KAT14: variants seen among roughly 807,000 people sequenced by gnomAD.
KAT14 encodes the protein cysteine-rich protein 2-binding protein.
A neutral mutation model predicts 78.4 loss-of-function variants in KAT14; 66 were observed. The ratio of observed to expected loss-of-function variants is 0.84; its 90% CI spans 0.69 to 1.03. The LOEUF (loss-of-function observed/expected upper bound fraction) is 1.03. Among genes scored for constraint, KAT14 ranks in the 50% least tolerant of loss-of-function variants. KAT14 has a pLI of 0.00. For synonymous variants in KAT14, 344 were observed against 359.4 expected, an observed-to-expected ratio of 0.96 and a Z score of 0.48; for missense variants, 870 against 972.5, an observed-to-expected ratio of 0.89 and a Z score of 1.40.
At chr20:18,179,530 G>T (rs932413547) in intron 7 of KAT14, among the ~76,000 whole-genome samples, 1 of 152,192 alleles carries the variant, frequency 6.6e-6, no homozygotes, top group Non-Finnish European at 1.5e-5. Flanking sequence ...TTTGGGGCTT[G>T]CACCCTGTGA....
At chr20:18,151,814 G>C (rs1205223) in intron 4 of KAT14, among the ~76,000 whole-genome samples, 1 of 151,338 alleles carries the variant, frequency 6.6e-6, no homozygotes, top group Non-Finnish European at 1.5e-5. Flanking sequence ...GACCAGCCTC[G>C]CCAACATGGT....
intron 10 of KAT14, among the ~76,000 whole-genome samples, chr20:18,185,548 A>AC (rs2039424630): frequency 6.6e-6 from 1 of 152,212 alleles, no homozygotes; most frequent in African/African-American, 2.4e-5. Context: ...ATCACTGTAT[A>AC]AGGCTGATAT....
rs377454074 is a variant in KAT14, at chr20:18,162,513, G to C, written c.1236G>C (p.Glu412Asp). ...KVRGPEQIKQ[E>D]VESEEEKPDR... ...GAGGCCCTGAACAGATAAAGCAGGA[G>C]GTAGAGAGTGAGGAGGAAAAACCCG... The change falls in exon 7 of 11, where the codon GAG (glutamate) becomes GAC (aspartate). Residue 412 changes from glutamate to aspartate, a missense_variant. Glu to Asp is a conservative substitution (Grantham distance 45). Transcript: ENST00000688188. 6.8e-6 allele frequency: 11 copies of C among 1,614,006 alleles called. No homozygotes were observed. Among genetic ancestry groups the C allele is most frequent in the Non-Finnish European group, 9.3e-6 (11 of 1,180,032 alleles).
At chr20:18,138,164 G>C (rs1404574308) in intron 1 of KAT14, 113 bp downstream of exon 1, 2 of 1,337,864 alleles carry the variant, frequency 1.5e-6, no homozygotes, top group Non-Finnish European at 1.9e-6. Context: ...TTTCCCCCGC[G>C]GTGGCGCGGC....
At position 18,187,701 on chromosome 20, in the gene KAT14, T is replaced by C; in HGVS notation, c.*242T>C. The C allele has an allele frequency of 3.9e-6, 2 of 518,092 alleles. No individual in the cohort carries two copies. Among genetic ancestry groups the C allele is most frequent in the East Asian group, 3.9e-5 (1 of 25,620 alleles). The allele number at this position is 518,092 out of a possible 1,614,324, so 32.1% of individuals were successfully genotyped here. Reference sequence around the variant, plus strand: ...GCCAGCATCCCAGACTCCACAGTTATTTATGAATGATGTCGTGATTCTCCC... The same window carrying C: ...GCCAGCATCCCAGACTCCACAGTTACTTATGAATGATGTCGTGATTCTCCC... On this transcript the variant is annotated 3_prime_UTR_variant, in exon 11 of 11. Transcript: ENST00000688188.
chr20:18,155,348 G>C (rs913670377), intron 4 of KAT14, among the ~76,000 whole-genome samples: 8 of 152,132 alleles, frequency 5.3e-5, no homozygotes, highest in Non-Finnish European at 1.0e-4. Flanking sequence ...AAAAAGGTGG[G>C]GGTTTTTTTG....
Position 18,162,689 on chromosome 20 carries a change from T to C in KAT14, c.1412T>C (p.Leu471Pro). The C allele has an allele frequency of 1.9e-6, 3 of 1,614,128 alleles. No homozygotes were observed. The highest frequency in any genetic ancestry group is 2.5e-6 in the Non-Finnish European group (3 of 1,180,010). ...PVSIYEEKLL[L>P]KRLEACPGAV... ...AGCATCTACGAGGAAAAGCTGCTGC[T>C]CAAGAGGCTGGAAGCTTGTCCCGGT... Residue 471 changes from leucine (L) to proline (P), a missense_variant, in exon 7 of 11, where the codon CTC becomes CCC. Leu to Pro is a moderately conservative substitution (Grantham distance 98, BLOSUM62 -3). Coordinates refer to ENST00000688188, the MANE Select transcript of KAT14 (RefSeq NM_001392073.1).
chr20:18,148,035 T>C (rs142249671), intron 3 of KAT14, among the ~76,000 whole-genome samples: 1 of 152,350 alleles, frequency 6.6e-6, no homozygotes, highest in Non-Finnish European at 1.5e-5. Flanking sequence ...CCAGTATTTC[T>C]AGTTGCATCT....
At chr20:18,166,828 G>T (rs1197650029) in intron 7 of KAT14, among the ~76,000 whole-genome samples, 2 of 152,200 alleles carry the variant, frequency 1.3e-5, no homozygotes, top group African/African-American at 4.8e-5. Flanking sequence ...ATACTGAAAA[G>T]ACCCTCATTA....
intron 1 of KAT14, among the ~76,000 whole-genome samples, chr20:18,141,066 A>T (rs1225737565): frequency 3.0e-5 from 3 of 99,218 alleles, no homozygotes; most frequent in Non-Finnish European, 5.9e-5. Context: ...TTTGCTAGAG[A>T]TGGGATTTTG....
chr20:18,163,773 TGTG>T (rs2038534376), intron 7 of KAT14, among the ~76,000 whole-genome samples: 1 of 152,144 alleles, frequency 6.6e-6, no homozygotes, highest in Admixed American at 6.6e-5. Flanking sequence ...GTGCTGGACA[TGTG>T]GTGTGTGGGC....
intron 2 of KAT14, among the ~76,000 whole-genome samples, chr20:18,144,124 G>T (rs532625297): frequency 6.6e-6 from 1 of 152,332 alleles, no homozygotes; most frequent in African/African-American, 2.4e-5. Flanking sequence ...TGTGAAGAGG[G>T]TCATTTTCTG....
At chr20:18,152,183 C>T (rs1568665292) in intron 4 of KAT14, among the ~76,000 whole-genome samples, 1 of 152,024 alleles carries the variant, frequency 6.6e-6, no homozygotes, top group Non-Finnish European at 1.5e-5. Context: ...TGGGGCATGC[C>T]TGTTGTCCCA....
chr20:18,149,793 T>C (rs895004841), intron 3 of KAT14, among the ~76,000 whole-genome samples: 2 of 151,722 alleles, frequency 1.3e-5, no homozygotes, highest in South Asian at 4.2e-4. Context: ...CTACTGAAAA[T>C]ACAAAAATTA....
chr20:18,184,026 TCA>T (rs2039361059), intron 9 of KAT14, among the ~76,000 whole-genome samples: 1 of 152,164 alleles, frequency 6.6e-6, no homozygotes, highest in Admixed American at 6.5e-5. Context: ...CTTTTGGGAG[TCA>T]TACTGAGCCA....
chr20:18,140,773 T>C (rs948235007), intron 1 of KAT14, among the ~76,000 whole-genome samples: 1 of 130,118 alleles, frequency 7.7e-6, no homozygotes, highest in South Asian at 2.5e-4. Context: ...GATCGTGCCA[T>C]GGAGCCAAGA....
At chr20:18,143,457 A>G (rs1406048677) in intron 2 of KAT14, among the ~76,000 whole-genome samples, 1 of 145,812 alleles carries the variant, frequency 6.9e-6, no homozygotes, top group East Asian at 2.0e-4. Context: ...CAATCTTGAG[A>G]TTTTCTTTTC....
intron 7 of KAT14, among the ~76,000 whole-genome samples, chr20:18,174,369 T>A (rs887330891): frequency 2.0e-5 from 3 of 152,136 alleles, no homozygotes; most frequent in African/African-American, 7.2e-5. Flanking sequence ...ACTCTGTGTT[T>A]AACTTTTTGA....
chr20:18,174,858 T>C (rs2038976620), intron 7 of KAT14, among the ~76,000 whole-genome samples: 1 of 152,074 alleles, frequency 6.6e-6, no homozygotes, highest in Non-Finnish European at 1.5e-5. Flanking sequence ...GAGATGTGGG[T>C]TTCATCATGT....
Sources: allele counts gnomAD v4.1 joint callset (sites outside exome capture counted in the v4.1 genomes callset), GRCh38; gene constraint gnomAD v4.1.1; transcripts MANE v1.5; gene names NCBI Gene and HGNC (gene_info 2026-07-23, HGNC 2026-07-21).